Variants in DHX15 observed in about 807,000 individuals in gnomAD.
DHX15 encodes ATP-dependent RNA helicase DHX15.
DHX15 carries 11 observed loss-of-function variants against 94.4 expected under a neutral mutation model. That is an observed-to-expected ratio of 0.12 (90% confidence interval 0.07 to 0.19). The LOEUF is 0.19. DHX15 is among the 10% of genes least tolerant of loss of function. The probability of loss-of-function intolerance (pLI) is 1.00; values close to 1 mark genes in which losing one functional copy is unlikely to be tolerated. For missense variants in DHX15, 304 were observed against 988.5 expected, an observed-to-expected ratio of 0.31 and a Z score of 9.29; for synonymous variants, 338 against 329.9, an observed-to-expected ratio of 1.02 and a Z score of -0.27.
At chr4:24,528,078 A>T in intron 13 of DHX15, 37 bp from the exon 14 acceptor site, 1 of 1,444,618 alleles carries the variant, frequency 6.9e-7, no homozygotes, top group Non-Finnish European at 9.7e-7. Context: ...CCAAATTAAC[A>T]TTTAATTGAA....
At chr4:24,547,937 A>ATATC (rs1560765932) in intron 6 of DHX15, among the ~76,000 whole-genome samples, 1 of 34,014 alleles carries the variant, frequency 2.9e-5, no homozygotes, top group Admixed American at 5.0e-4. Context: ...ATATATATAT[A>ATATC]TATATCTATA....
At chr4:24,547,917 A>C (rs1167964396) in intron 6 of DHX15, among the ~76,000 whole-genome samples, 945 of 34,696 alleles carry the variant, frequency 0.027, 35 homozygotes, top group African/African-American at 0.095. Flanking sequence ...ATATATATAT[A>C]TATATATATA....
At chr4:24,551,311 T>C (rs1721599614) in intron 5 of DHX15, among the ~76,000 whole-genome samples, 1 of 130,646 alleles carries the variant, frequency 7.7e-6, no homozygotes, top group Admixed American at 7.2e-5. Flanking sequence ...AAAGTGCGTG[T>C]TTTTTTCAAA....
chr4:24,532,603 T>C (rs1274733105), intron 12 of DHX15, among the ~76,000 whole-genome samples: 2 of 152,252 alleles, frequency 1.3e-5, no homozygotes. Context: ...ACAAAGGCTC[T>C]ATTAATAAAA....
chr4:24,581,527 G>C (rs981098036), intron 1 of DHX15, among the ~76,000 whole-genome samples: 1 of 152,208 alleles, frequency 6.6e-6, no homozygotes, highest in Non-Finnish European at 1.5e-5. Flanking sequence ...GAAGATTTTA[G>C]GGAATGCCTT....
intron 13 of DHX15, 127 bp downstream of exon 13, chr4:24,529,474 C>T: frequency 1.3e-6 from 1 of 754,202 alleles, no homozygotes; most frequent in Admixed American, 2.7e-5. Context: ...CAGTCAATTC[C>T]CTCATACCTA....
chr4:24,570,106 G>T (rs1197171670), intron 3 of DHX15, among the ~76,000 whole-genome samples: 2 of 152,196 alleles, frequency 1.3e-5, no homozygotes, highest in Non-Finnish European at 2.9e-5. Context: ...ACATTAGAAA[G>T]CTCAATACAG....
At chr4:24,542,780 G>T (rs2084455663) in intron 7 of DHX15, among the ~76,000 whole-genome samples, 160 bp downstream of exon 7, 1 of 151,996 alleles carries the variant, frequency 6.6e-6, no homozygotes, top group African/African-American at 2.4e-5. Context: ...CTTAATTTCT[G>T]AGAGCCAGCC....
At chr4:24,553,994 G>T (rs901210538) in intron 5 of DHX15, among the ~76,000 whole-genome samples, 18 of 152,020 alleles carry the variant, frequency 1.2e-4, no homozygotes, top group African/African-American at 3.9e-4. Context: ...CGAGGAGAGT[G>T]GATCACGAGG....
At chr4:24,576,779 T>TA (rs1722278133) in intron 1 of DHX15, 101 bp from the exon 2 acceptor site, 2 of 1,466,466 alleles carry the variant, frequency 1.4e-6, no homozygotes, top group African/African-American at 1.4e-5. Flanking sequence ...TTCAAATGAA[T>TA]AAAAAGTCCA....
intron 3 of DHX15, among the ~76,000 whole-genome samples, chr4:24,566,188 T>A (rs997097474): frequency 5.1e-4 from 77 of 151,960 alleles, no homozygotes; most frequent in African/African-American, 1.8e-3. Flanking sequence ...TACAGGTACA[T>A]ACCACCACAC....
chr4:24,573,669 C>T (rs1167191743), intron 2 of DHX15, among the ~76,000 whole-genome samples: 2 of 152,160 alleles, frequency 1.3e-5, no homozygotes, highest in African/African-American at 2.4e-5. Context: ...TGATGGCTTC[C>T]AGTCTATACA....
In DHX15 at chr4:24,548,942, T is replaced by C. The variant is rs935868658; in HGVS notation, c.1161A>G (p.Pro387=). 1.9e-6 allele frequency: 3 copies of C among 1,613,934 alleles called. No homozygotes were observed. The highest frequency in any genetic ancestry group is 1.7e-5 in the Admixed American group (1 of 60,024). ...GCTGAGGTGGAAGTGTAGAATACAA[T>C]GGAATGATTTTAATGTCACCAACTT... The part of the protein sequence containing the change: ...GPEVGDIKII[P]LYSTLPPQQQ... Residue 387 remains proline, a synonymous_variant, in exon 6 of 14, where the codon CCA becomes CCG. Transcript: ENST00000336812.
chr4:24,555,305 T>C (rs900787811), intron 4 of DHX15, among the ~76,000 whole-genome samples: 1 of 132,184 alleles, frequency 7.6e-6, no homozygotes, highest in African/African-American at 2.7e-5. Context: ...AAACAGAAAA[T>C]GCAAAAAAAA....
rs1424579366 is a variant in DHX15, at chr4:24,541,723, G to GTT, written c.1485+148_1485+149dup. On this transcript the variant is annotated intron_variant, in intron 8 of 13. Coordinates refer to ENST00000336812, the MANE Select transcript of DHX15 (RefSeq NM_001358.3). Reference sequence around the variant, plus strand: ...AATAAGGGGGTGTACGACTATCTAAGTTAATTACACCATACATTTCACTCC... The same window carrying GTT: ...AATAAGGGGGTGTACGACTATCTAAGTTTTAATTACACCATACATTTCACTCC... 5 of 743,804 alleles carry GTT rather than the reference G, an allele frequency of 6.7e-6. No homozygotes were observed. In the Admixed American group the frequency reaches 1.6e-4, roughly 23 times the overall value. 46.1% of individuals were successfully genotyped at this position (743,804 alleles called of 1,614,324 possible). A position where few individuals can be genotyped will look rare whatever the true frequency, so the allele number is the denominator to read the frequency against.
Position 24,549,038 on chromosome 4 carries a change from G to A in DHX15, c.1081-16C>T, listed in dbSNP as rs1460129262. The A allele has an allele frequency of 1.2e-6, 2 of 1,600,624 alleles. No homozygotes were observed. Among genetic ancestry groups the A allele is most frequent in the African/African-American group, 1.3e-5 (1 of 74,238 alleles). ...CATCAATTTCCTACAAAATAAAAGTGAGTCTAAAAACGAATACTGAAACAT... is the reference window on the plus strand; with the variant it reads ...CATCAATTTCCTACAAAATAAAAGTAAGTCTAAAAACGAATACTGAAACAT... On this transcript the variant is annotated splice_polypyrimidine_tract_variant and intron_variant, in intron 5 of 13. Transcript: ENST00000336812.
At position 24,570,890 on chromosome 4, in the gene DHX15, C is replaced by T; in HGVS notation, c.508-43G>A. 2.5e-6 allele frequency: 4 copies of T among 1,587,096 alleles called. No homozygotes were observed. The South Asian group carries it at 3.4e-5, about 13-fold the overall frequency. On this transcript the variant is annotated intron_variant, in intron 2 of 13. Transcript: ENST00000336812. Reference sequence around the variant, plus strand: ...ATTTAAATTAATTCTATTCTGCCTGCATATCAAGTATATGTAACATAAAGC... The same window carrying T: ...ATTTAAATTAATTCTATTCTGCCTGTATATCAAGTATATGTAACATAAAGC...
intron 3 of DHX15, among the ~76,000 whole-genome samples, chr4:24,566,042 A>ATT (rs68141816): frequency 1.0e-4 from 14 of 138,868 alleles, no homozygotes; most frequent in Non-Finnish European, 1.4e-4. Flanking sequence ...ACAAACCACC[A>ATT]TTTTTTTTTT....
Position 24,540,919 on chromosome 4 carries a change from A to G in DHX15, c.1515T>C (p.Ser505=). Residue 505 remains serine, a synonymous_variant, in exon 9 of 14, where the codon TCT becomes TCC. Coordinates refer to ENST00000336812, the MANE Select transcript of DHX15 (RefSeq NM_001358.3). ...ATTGTAACACAACTGATCCTAAATT[A>G]GAACGCAAAATCTCAGGATAGGTGT... The part of the protein sequence containing the change: ...QDNTYPEILR[S]NLGSVVLQLK... 1 of 1,607,964 alleles carries G rather than the reference A, an allele frequency of 6.2e-7. No individual in the cohort carries two copies. The highest frequency in any genetic ancestry group is 8.5e-7 in the Non-Finnish European group (1 of 1,175,944).
Sources: gnomAD v4.1 joint callset for allele counts (sites outside exome capture counted in the v4.1 genomes callset) on GRCh38, gnomAD v4.1.1 for gene constraint, MANE v1.5 for transcripts, NCBI Gene and HGNC (gene_info 2026-07-23, HGNC 2026-07-21) for gene names.